The following PTPRD variants were observed in gnomAD, a reference collection of about 807,000 sequenced individuals.
PTPRD encodes receptor-type tyrosine-protein phosphatase delta.
In PTPRD, 34 loss-of-function variants were observed where a neutral mutation model predicts 214.5. The ratio of observed to expected loss-of-function variants is 0.16; its 90% CI spans 0.12 to 0.21. The LOEUF is 0.21. Ranked by LOEUF, PTPRD falls within the 10% of genes least tolerant of loss-of-function variation. PTPRD has a pLI of 1.00. For missense variants in PTPRD, 2,545 were observed against 2,398.7 expected (o/e 1.06, Z -1.27); for synonymous variants, 1,128 against 845.7 (o/e 1.33, Z -5.79).
chr9:8,368,798 T>A (rs2080692131), intron 39 of PTPRD, among the ~76,000 whole-genome samples: 1 of 151,910 alleles, frequency 6.6e-6, no homozygotes, highest in Non-Finnish European at 1.5e-5. Flanking sequence ...TTTAACACTA[T>A]GTTGTTTCAT....
intron 11 of PTPRD, among the ~76,000 whole-genome samples, chr9:8,790,568 C>A (rs2154506920): frequency 6.6e-6 from 1 of 152,162 alleles, no homozygotes; most frequent in South Asian, 2.1e-4. Flanking sequence ...CAGGTGCCTG[C>A]ATCTGTTTTA....
At chr9:10,216,138 T>A (rs968750084) in intron 3 of PTPRD, among the ~76,000 whole-genome samples, 4 of 152,018 alleles carry the variant, frequency 2.6e-5, no homozygotes, top group Non-Finnish European at 5.9e-5. Flanking sequence ...ATCTTTTTCA[T>A]TATTGATTTC....
intron 11 of PTPRD, among the ~76,000 whole-genome samples, chr9:8,927,736 C>T (rs2098912686): frequency 6.6e-6 from 1 of 152,116 alleles, no homozygotes; most frequent in Admixed American, 6.6e-5. Flanking sequence ...AATGGGATTG[C>T]TGGGTCAAAT....
At chr9:9,160,448 A>G (rs1370961391) in intron 10 of PTPRD, among the ~76,000 whole-genome samples, 1 of 152,166 alleles carries the variant, frequency 6.6e-6, no homozygotes, top group Non-Finnish European at 1.5e-5. Flanking sequence ...AGTATCACTA[A>G]TCATTAGGGT....
chr9:8,801,506 T>A (rs2154518704), intron 11 of PTPRD, among the ~76,000 whole-genome samples: 1 of 152,168 alleles, frequency 6.6e-6, no homozygotes, highest in South Asian at 2.1e-4. Flanking sequence ...CACCTGAGGT[T>A]GGGAGTTTGA....
At chr9:9,137,024 A>C (rs1484242143) in intron 10 of PTPRD, among the ~76,000 whole-genome samples, 1 of 152,172 alleles carries the variant, frequency 6.6e-6, no homozygotes, top group Non-Finnish European at 1.5e-5. Flanking sequence ...TTTAACTATA[A>C]AGCATTAGCT....
chr9:9,981,856 T>C (rs2095554483), intron 4 of PTPRD, among the ~76,000 whole-genome samples: 2 of 152,212 alleles, frequency 1.3e-5, no homozygotes, highest in Non-Finnish European at 2.9e-5. Flanking sequence ...TATTATTTAA[T>C]ATCTGTCTCT....
chr9:9,233,127 G>T (rs2099964206), intron 9 of PTPRD, among the ~76,000 whole-genome samples: 1 of 151,994 alleles, frequency 6.6e-6, no homozygotes, highest in Non-Finnish European at 1.5e-5. Flanking sequence ...CCAGAGACTG[G>T]GTAATTTATA....
At chr9:9,871,566 T>C (rs1245562683) in intron 5 of PTPRD, among the ~76,000 whole-genome samples, 2 of 152,088 alleles carry the variant, frequency 1.3e-5, no homozygotes, top group Admixed American at 6.6e-5. Context: ...CTAACCTCCT[T>C]GGGCCCTAAG....
intron 12 of PTPRD, among the ~76,000 whole-genome samples, chr9:8,687,130 A>G (rs1183782012): frequency 6.6e-6 from 1 of 152,192 alleles, no homozygotes; most frequent in African/African-American, 2.4e-5. Flanking sequence ...CTCTCCTAAA[A>G]AATATTCCAC....
intron 2 of PTPRD, among the ~76,000 whole-genome samples, chr9:10,348,755 T>C (rs2097132248): frequency 6.6e-6 from 1 of 152,174 alleles, no homozygotes; most frequent in Non-Finnish European, 1.5e-5. Context: ...AAATAAATAT[T>C]GGGACCTTAA....
At chr9:8,934,464 AATAT>A (rs375805962) in intron 11 of PTPRD, among the ~76,000 whole-genome samples, 9 of 11,086 alleles carry the variant, frequency 8.1e-4, no homozygotes, top group African/African-American at 2.4e-3. Context: ...TATATATATA[AATAT>A]ATATATATAA....
intron 11 of PTPRD, among the ~76,000 whole-genome samples, chr9:8,926,125 C>T (rs73432775): frequency 0.014 from 2,132 of 152,076 alleles, 75 homozygotes; most frequent in African/African-American, 0.048. Context: ...CTTAACATGA[C>T]GTGCCCTCTT....
intron 10 of PTPRD, among the ~76,000 whole-genome samples, chr9:9,026,183 C>G (rs988211942): frequency 6.6e-6 from 1 of 151,766 alleles, no homozygotes; most frequent in Non-Finnish European, 1.5e-5. Flanking sequence ...GAAAGAACAG[C>G]CATGCCACAA....
chr9:9,674,271 T>G (rs2096887470), intron 7 of PTPRD, among the ~76,000 whole-genome samples: 1 of 151,800 alleles, frequency 6.6e-6, no homozygotes, highest in Non-Finnish European at 1.5e-5. Context: ...GCTTATAATA[T>G]TAACTTTAAA....
chr9:10,519,825 A>G (rs2051555411), intron 2 of PTPRD, among the ~76,000 whole-genome samples: 1 of 152,088 alleles, frequency 6.6e-6, no homozygotes, highest in Non-Finnish European at 1.5e-5. Context: ...CCATGTCCAT[A>G]TAAAACAGTA....
intron 6 of PTPRD, among the ~76,000 whole-genome samples, chr9:9,759,000 G>C (rs2098621656): frequency 6.6e-6 from 1 of 152,154 alleles, no homozygotes; most frequent in Non-Finnish European, 1.5e-5. Flanking sequence ...TCAGAGAATG[G>C]AAGGTGGTGT....
At chr9:10,446,935 C>A (rs1181255259) in intron 2 of PTPRD, among the ~76,000 whole-genome samples, 1 of 152,070 alleles carries the variant, frequency 6.6e-6, no homozygotes, top group Non-Finnish European at 1.5e-5. Context: ...AGCAAGGACA[C>A]GTTTACAGAA....
At chr9:10,318,008 G>C (rs986299977) in intron 3 of PTPRD, among the ~76,000 whole-genome samples, 4 of 151,948 alleles carry the variant, frequency 2.6e-5, no homozygotes, top group Non-Finnish European at 5.9e-5. Flanking sequence ...TAACTATTTA[G>C]TCATTTTACA....
Sources: allele counts gnomAD v4.1 joint callset (sites outside exome capture counted in the v4.1 genomes callset), GRCh38; gene constraint gnomAD v4.1.1; transcripts MANE v1.5; gene names NCBI Gene and HGNC (gene_info 2026-07-23, HGNC 2026-07-21).